Variants in ECSIT observed in about 807,000 individuals in gnomAD.
ECSIT encodes evolutionarily conserved signaling intermediate in Toll pathway, mitochondrial.
A neutral mutation model predicts 36.8 loss-of-function variants in ECSIT; 29 were observed. That is an observed-to-expected ratio of 0.79 (90% CI 0.59 to 1.08). ECSIT has a LOEUF of 1.08. Among genes scored for constraint, ECSIT ranks in the 50% least tolerant of loss-of-function variants. The pLI is 0.00. For missense variants in ECSIT, 542 were observed against 581.0 expected, an observed-to-expected ratio of 0.93 and a Z score of 0.69; for synonymous variants, 231 against 234.8, an observed-to-expected ratio of 0.98 and a Z score of 0.15.
At chr19:11,522,043 C>T (rs1972115144) in intron 1 of ECSIT, 3 of 310,788 alleles carry the variant, frequency 9.7e-6, no homozygotes, top group Non-Finnish European at 1.9e-5. Context: ...CCACACACCA[C>T]CCCTCTACCA....
rs1213435308 is a variant in ECSIT at position 11,507,751 on chromosome 19, C to G, written c.896G>C (p.Cys299Ser). Residue 299 changes from cysteine to serine, a missense_variant, in exon 6 of 8, where the codon TGT becomes TCT. Transcript: ENST00000270517. Reference sequence around the variant, plus strand: ...AGCTCTGAGGATGTGGTAATACACACACTTGTTGCGGAGCCACAGGGAGAA... The same window carrying G: ...AGCTCTGAGGATGTGGTAATACACAGACTTGTTGCGGAGCCACAGGGAGAA... ...GPFSLWLRNK[C>S]VYYHILRADL... 1 of 1,614,142 alleles carries G rather than the reference C, an allele frequency of 6.2e-7. No homozygotes were observed.
chr19:11,520,658 G>A (rs910509837), intron 1 of ECSIT, among the ~76,000 whole-genome samples: 2 of 151,370 alleles, frequency 1.3e-5, no homozygotes, highest in Admixed American at 6.6e-5. Flanking sequence ...GACTATAGGT[G>A]TGTGCCACTG....
At chr19:11,522,450 T>A (rs1972125089) in intron 1 of ECSIT, 1 of 1,461,050 alleles carries the variant, frequency 6.8e-7, no homozygotes, top group Non-Finnish European at 9.5e-7. Context: ...TCCTGCGCCA[T>A]CAGCACAAGC....
rs539723415 is a variant in ECSIT at position 11,513,049 on chromosome 19, C to T, written c.738+7G>A. 7 of 1,613,180 alleles carry T rather than the reference C, an allele frequency of 4.3e-6. No individual in the cohort carries two copies. The East Asian group carries it at 6.7e-5, about 15-fold the overall frequency. On this transcript the variant is annotated splice_region_variant and intron_variant, in intron 4 of 7. Coordinates refer to ENST00000270517, the MANE Select transcript of ECSIT (RefSeq NM_016581.5). ...TGGCAGCTGACGCTGTAGACAAGGG[C>T]GGATACCTGGTAGATGGTGACCCTG...
Position 11,529,083 on chromosome 19 carries a change from G to C in ECSIT, c.-45C>G, listed in dbSNP as rs11558602. ...CTACCTACTCACGCGGCCAGCCGCG[G>C]ACTCCAGGCCAGCTCTGTCTTGTTG... On this transcript the variant is annotated 5_prime_UTR_variant, in exon 1 of 8. Transcript: ENST00000270517. The C allele has an allele frequency of 6.6e-6, 1 of 152,398 alleles. No individual in the cohort carries two copies. Among genetic ancestry groups the C allele is most frequent in the Admixed American group, 6.5e-5 (1 of 15,300 alleles). The allele number at this position is 152,398 out of a possible 1,614,324, so 9.4% of individuals were successfully genotyped here. A position where few individuals can be genotyped will look rare whatever the true frequency, so the allele number is the denominator to read the frequency against.
intron 1 of ECSIT, among the ~76,000 whole-genome samples, chr19:11,520,478 C>T (rs367819595): frequency 2.0e-5 from 3 of 148,270 alleles, no homozygotes; most frequent in South Asian, 2.2e-4. Context: ...GGCCCACTGA[C>T]GTGTTTTCAA....
rs1672035845 is a variant in ECSIT at position 11,513,146 on chromosome 19, G to A, written c.648C>T (p.Pro216=). ...RFMNVNPFPV[P]RDLPQDPVEL... The stretch of plus-strand genomic sequence containing the variant: ...CCACAGGGTCCTGGGGCAGGTCCCG[G>A]GGCACTGGGAAGGGGTTGACGTTCA... The change falls in exon 4 of 8, where the codon CCC becomes CCT. Residue 216 remains proline, a synonymous_variant. Coordinates refer to ENST00000270517, the MANE Select transcript of ECSIT (RefSeq NM_016581.5). 6.2e-7 allele frequency: 1 copy of A among 1,614,084 alleles called. No individual in the cohort carries two copies. The highest frequency in any genetic ancestry group is 1.1e-5 in the South Asian group (1 of 91,088).
Position 11,519,248 on chromosome 19 carries a change from G to GC in ECSIT, c.-23-56dup, listed in dbSNP as rs1972055609. The GC allele has an allele frequency of 8.0e-7, 1 of 1,242,888 alleles. No homozygotes were observed. The highest frequency in any genetic ancestry group is 1.5e-5 in the African/African-American group (1 of 67,350). 77.0% of individuals were successfully genotyped at this position (1,242,888 alleles called of 1,614,324 possible). ...TGGCACCTTACAGATGCTAACAGACGCAAGGGCCCCGCAGGGTCGAGGGCA... is the reference window on the plus strand; with the variant it reads ...TGGCACCTTACAGATGCTAACAGACGCCAAGGGCCCCGCAGGGTCGAGGGCA... On this transcript the variant is annotated intron_variant, in intron 1 of 7. Transcript: ENST00000270517. This position sits in a 1 kb window ranked among gnomAD's most constrained non-coding sequence, Gnocchi z 4.4.
chr19:11,512,009 C>T (rs1026240456), intron 4 of ECSIT, among the ~76,000 whole-genome samples: 4 of 148,952 alleles, frequency 2.7e-5, no homozygotes, highest in Non-Finnish European at 5.9e-5. Flanking sequence ...TCCAGCCTGG[C>T]GACAGAGCGA....
At chr19:11,509,087 T>TGG (rs759054734) in intron 4 of ECSIT, among the ~76,000 whole-genome samples, 5 of 146,548 alleles carry the variant, frequency 3.4e-5, no homozygotes, top group Admixed American at 2.0e-4. Context: ...TTTTTTTTTT[T>TGG]GGGACAGAGT....
At chr19:11,521,455 ATT>A (rs143007908) in intron 1 of ECSIT, among the ~76,000 whole-genome samples, 228 of 140,656 alleles carry the variant, frequency 1.6e-3, no homozygotes, top group African/African-American at 2.3e-3. Flanking sequence ...TTATACGTGG[ATT>A]TTTTTTTTTT....
chr19:11,527,158 C>G (rs146326976), intron 1 of ECSIT, among the ~76,000 whole-genome samples: 1 of 152,110 alleles, frequency 6.6e-6, no homozygotes, highest in Non-Finnish European at 1.5e-5. Context: ...CCCGTCTGTA[C>G]TAAAAATACA....
chr19:11,522,525 C>A, intron 1 of ECSIT: 1 of 856,024 alleles, frequency 1.2e-6, no homozygotes, highest in South Asian at 1.4e-5. Flanking sequence ...CAGGTGTGCC[C>A]CACGTAAACT....
chr19:11,511,616 GC>G (rs1199292685), intron 4 of ECSIT, among the ~76,000 whole-genome samples: 2 of 152,074 alleles, frequency 1.3e-5, no homozygotes, highest in Non-Finnish European at 2.9e-5. Context: ...AATGTTTATG[GC>G]CCCCTGAAAT....
chr19:11,523,380 G>A (rs1041507701), intron 1 of ECSIT: 14 of 468,840 alleles, frequency 3.0e-5, no homozygotes, highest in African/African-American at 9.9e-5. Flanking sequence ...GCCGAGTTGC[G>A]CGGAGGCGGA....
At chr19:11,518,300 A>C (rs1349325920) in intron 2 of ECSIT, among the ~76,000 whole-genome samples, 1 of 152,084 alleles carries the variant, frequency 6.6e-6, no homozygotes, top group African/African-American at 2.4e-5. Context: ...GGTGATGTGC[A>C]CTTGTAATCA....
At chr19:11,513,542 A>AAGGG (rs2144977487) in intron 3 of ECSIT, among the ~76,000 whole-genome samples, 1 of 135,126 alleles carries the variant, frequency 7.4e-6, no homozygotes, top group African/African-American at 2.8e-5. Context: ...GAAAGAGAGG[A>AAGGG]AGGAAGGGAG....
intron 2 of ECSIT, among the ~76,000 whole-genome samples, chr19:11,518,413 G>T (rs951061912): frequency 1.3e-5 from 2 of 151,272 alleles, no homozygotes; most frequent in Non-Finnish European, 2.9e-5. Context: ...GGCGACAAGA[G>T]CAAAATTCCA....
At chr19:11,507,401 G>T in intron 7 of ECSIT, 56 bp downstream of exon 7, 1 of 1,430,576 alleles carries the variant, frequency 7.0e-7, no homozygotes, top group Non-Finnish European at 9.9e-7. Context: ...TCAGCCTGTA[G>T]GAGGGCTGGG....
Sources: allele counts gnomAD v4.1 joint callset (sites outside exome capture counted in the v4.1 genomes callset), GRCh38; gene constraint gnomAD v4.1.1; non-coding constraint Gnocchi (gnomAD v3.1); transcripts MANE v1.5; gene names NCBI Gene and HGNC (gene_info 2026-07-23, HGNC 2026-07-21).